MEF2C: variants seen among roughly 807,000 people sequenced by gnomAD.
MEF2C encodes myocyte enhancer factor 2C, also known as myocyte-specific enhancer factor 2C.
Under a neutral mutation model 50.5 loss-of-function variants are expected in MEF2C, and 6 were observed. The ratio of observed to expected loss-of-function variants is 0.12; its 90% CI spans 0.07 to 0.23. MEF2C has a LOEUF of 0.23. MEF2C is among the 10% of genes least tolerant of loss of function. MEF2C has a pLI of 1.00. For synonymous variants in MEF2C, 183 were observed against 228.0 expected (o/e 0.80, Z 1.78); for missense variants, 276 against 605.0 (o/e 0.46, Z 5.70).
At chr5:88,833,854 T>G (rs1381289879) in intron 1 of MEF2C, among the ~76,000 whole-genome samples, 4 of 152,196 alleles carry the variant, frequency 2.6e-5, no homozygotes, top group South Asian at 4.1e-4. Context: ...AACTGGGTAC[T>G]GTGGCACTAT....
chr5:88,743,027 C>T, intron 6 of MEF2C: 1 of 972,080 alleles, frequency 1.0e-6, no homozygotes, highest in Non-Finnish European at 1.2e-6. Context: ...GGTAAAACTG[C>T]CAATGAATTC....
rs139395060 is a variant in MEF2C at position 88,800,190 on chromosome 5, G to T, written c.258+4408C>A. Among the ~76,000 whole-genome samples the T allele has an allele frequency of 6.5e-3, 991 of 152,210 alleles. 4 individuals carry two copies. Among genetic ancestry groups the T allele is most frequent in the Non-Finnish European group, 8.9e-3 (607 of 68,010 alleles). On this transcript the variant is annotated intron_variant, in intron 3 of 10. Transcript: ENST00000504921. ...TAAGTGATACTCCCATAAGGATTTT[G>T]TGGTTACAAAACGTGCTGGATATGG...
intron 3 of MEF2C, among the ~76,000 whole-genome samples, chr5:88,800,081 G>T (rs1797747488): frequency 6.6e-6 from 1 of 152,162 alleles, no homozygotes; most frequent in African/African-American, 2.4e-5. Context: ...TTAATCACTG[G>T]ACTGTGGGCC....
At chr5:88,784,107 T>C (rs1789591206) in intron 3 of MEF2C, among the ~76,000 whole-genome samples, 2 of 152,236 alleles carry the variant, frequency 1.3e-5, no homozygotes, top group Admixed American at 1.3e-4. Context: ...TGTATTAATT[T>C]CTTTGCACTT....
intron 2 of MEF2C, among the ~76,000 whole-genome samples, chr5:88,807,888 G>C (rs1441188292): frequency 6.6e-6 from 1 of 152,116 alleles, no homozygotes. Context: ...TATTTACTCA[G>C]TTACGTTATT....
intron 3 of MEF2C, 159 bp downstream of exon 3, chr5:88,804,439 G>T: frequency 1.6e-6 from 1 of 619,800 alleles, no homozygotes; most frequent in Non-Finnish European, 2.8e-6. Context: ...GAGAGAAAAG[G>T]TGGAGTAAGA....
At position 88,722,554 on chromosome 5, in the gene MEF2C, A is replaced by C; in HGVS notation, c.*50T>G. ...CCCCCCTTCCCCATTAAGGTATAGC[A>C]CACACACACACTGCAAGAAAAAAAA... On this transcript the variant is annotated 3_prime_UTR_variant, in exon 11 of 11. Coordinates refer to ENST00000504921, the MANE Select transcript of MEF2C (RefSeq NM_002397.5). 7.2e-7 allele frequency: 1 copy of C among 1,397,022 alleles called. No homozygotes were observed. The highest frequency in any genetic ancestry group is 1.5e-5 in the African/African-American group (1 of 67,384). The allele number at this position is 1,397,022 out of a possible 1,614,324, so 86.5% of individuals were successfully genotyped here. A position where few individuals can be genotyped will look rare whatever the true frequency, so the allele number is the denominator to read the frequency against.
At chr5:88,829,510 T>G (rs141604338) in intron 1 of MEF2C, among the ~76,000 whole-genome samples, 2 of 152,200 alleles carry the variant, frequency 1.3e-5, no homozygotes, top group East Asian at 3.9e-4. Flanking sequence ...AAAGAGCTAA[T>G]GACTATTCGT....
chr5:88,750,041 A>G, intron 5 of MEF2C: 1 of 476,738 alleles, frequency 2.1e-6, no homozygotes, highest in Non-Finnish European at 2.7e-6. Context: ...AAAAAAAAAA[A>G]ATTACTTTTA....
At chr5:88,734,308 C>T (rs1762944397) in intron 6 of MEF2C, 2 of 985,200 alleles carry the variant, frequency 2.0e-6, no homozygotes, top group Middle Eastern at 5.2e-4. Flanking sequence ...TTTATATAAA[C>T]AATCAAATGG....
intron 1 of MEF2C, among the ~76,000 whole-genome samples, chr5:88,867,560 G>T (rs989982675): frequency 6.6e-6 from 1 of 151,900 alleles, no homozygotes; most frequent in Non-Finnish European, 1.5e-5. Flanking sequence ...TCAAGTATAC[G>T]GTATGCTCTC....
chr5:88,898,230 C>A (rs1346112705), intron 1 of MEF2C, among the ~76,000 whole-genome samples: 1 of 152,140 alleles, frequency 6.6e-6, no homozygotes, highest in African/African-American at 2.4e-5. Flanking sequence ...AGACATGCCA[C>A]AAATATTCTG....
chr5:88,720,793 TTTAAA>T lies in MEF2C; in HGVS notation c.*1806_*1810del, dbSNP rs1756079376. ...CGAATATTAGACAAGAGTCATTTTTTTTAAATTAAAAAAAGGGACATAGAGAGGTT... is the reference window on the plus strand; with the variant it reads ...CGAATATTAGACAAGAGTCATTTTTTTTAAAAAAAGGGACATAGAGAGGTT... On this transcript the variant is annotated 3_prime_UTR_variant, in exon 11 of 11. Coordinates refer to ENST00000504921, the MANE Select transcript of MEF2C (RefSeq NM_002397.5). The T allele has an allele frequency of 6.6e-6, 1 of 152,576 alleles. No homozygotes were observed. The highest frequency in any genetic ancestry group is 1.5e-5 in the Non-Finnish European group (1 of 68,020). 9.5% of individuals were successfully genotyped at this position (152,576 alleles called of 1,614,324 possible). A position where few individuals can be genotyped will look rare whatever the true frequency, so the allele number is the denominator to read the frequency against.
At position 88,799,849 on chromosome 5, in the gene MEF2C, T is replaced by TTC. The variant is rs1235744521; in HGVS notation, c.258+4747_258+4748dup. ...TCTCCATCTCCCTATGTCCCTTTCC[T>TTC]TCTCTCTCTCTCTCTCTCTCTCACA... is the stretch of plus-strand genomic sequence containing the variant. On this transcript the variant is annotated intron_variant, in intron 3 of 10. Transcript: ENST00000504921. Among the ~76,000 whole-genome samples the TTC allele has an allele frequency of 4.7e-4, 56 of 119,438 alleles. 1 individual carries two copies. Among genetic ancestry groups the TTC allele is most frequent in the African/African-American group, 1.7e-3 (53 of 30,602 alleles). The allele number at this position is 119,438 out of a possible 152,430, so 78.4% of individuals were successfully genotyped here.
Position 88,804,579 on chromosome 5 carries a change from A to T in MEF2C, c.258+19T>A. 1 of 1,612,476 alleles carries T rather than the reference A, an allele frequency of 6.2e-7. No individual in the cohort carries two copies. The highest frequency in any genetic ancestry group is 1.3e-5 in the African/African-American group (1 of 75,016). On this transcript the variant is annotated intron_variant, in intron 3 of 10. Transcript: ENST00000504921. ...CCCTGCTTGCGGAGGCTTGGGGCTC[A>T]CCACGCATGCTCTCTCACCTCCACG...
chr5:88,759,670 TA>T (rs1473750093), intron 4 of MEF2C, among the ~76,000 whole-genome samples: 14 of 107,936 alleles, frequency 1.3e-4, no homozygotes, highest in African/African-American at 3.6e-4. Context: ...TGTGTGCATA[TA>T]ATAGTTTTAT....
At chr5:88,856,547 C>T (rs1201721850) in intron 1 of MEF2C, among the ~76,000 whole-genome samples, 1 of 152,230 alleles carries the variant, frequency 6.6e-6, no homozygotes, top group Non-Finnish European at 1.5e-5. Context: ...CTTCCTATCA[C>T]AGGCCCAGAG....
chr5:88,859,316 T>C (rs1824660186), intron 1 of MEF2C, among the ~76,000 whole-genome samples: 1 of 152,186 alleles, frequency 6.6e-6, no homozygotes, highest in Non-Finnish European at 1.5e-5. Flanking sequence ...GTTAGAGTCT[T>C]TACTCAAAAG....
chr5:88,736,669 C>A (rs185043561), intron 6 of MEF2C: 4 of 985,312 alleles, frequency 4.1e-6, no homozygotes, highest in South Asian at 9.4e-5. Context: ...GCTAACCAAC[C>A]CACTCAAGGA....
Sources: gnomAD v4.1 joint callset for allele counts (sites outside exome capture counted in the v4.1 genomes callset) on GRCh38, gnomAD v4.1.1 for gene constraint, MANE v1.5 for transcripts, NCBI Gene and HGNC (gene_info 2026-07-23, HGNC 2026-07-21) for gene names.